RABGAP1: variants seen among roughly 807,000 people sequenced by gnomAD.
The protein encoded by RABGAP1 is RAB GTPase activating protein 1.
RABGAP1 carries 23 observed loss-of-function variants against 137.6 expected under a neutral mutation model. The ratio of observed to expected loss-of-function variants is 0.17; its 90% CI spans 0.12 to 0.24. The LOEUF is 0.24. Ranked by LOEUF, RABGAP1 falls within the 10% of genes least tolerant of loss-of-function variation. The pLI is 1.00. For synonymous variants in RABGAP1, 451 were observed against 450.7 expected (o/e 1.00, Z -0.01); for missense variants, 906 against 1,275.8 (o/e 0.71, Z 4.42).
the RABGAP1 span, among the ~76,000 whole-genome samples, chr9:122,933,440 A>AATTATTATTATTATT: frequency 0.014 from 2,015 of 146,038 alleles, 49 homozygotes; most frequent in African/African-American, 0.048. Context: ...TTTTTCATTA[A>AATTATTATTATTATT]ATTATTATTA....
At chr9:123,042,159 A>G (rs2032984377) in intron 13 of RABGAP1, among the ~76,000 whole-genome samples, 1 of 152,226 alleles carries the variant, frequency 6.6e-6, no homozygotes, top group Non-Finnish European at 1.5e-5. Context: ...CACTCTCAGA[A>G]TGTTCTAAGC....
intron 14 of RABGAP1, among the ~76,000 whole-genome samples, chr9:123,065,881 T>C (rs1288924279): frequency 1.3e-5 from 2 of 152,222 alleles, no homozygotes; most frequent in Non-Finnish European, 2.9e-5. Flanking sequence ...CACTGCAGCA[T>C]AGTAAATGAT....
At chr9:123,029,287 AAT>A in intron 13 of RABGAP1, 1 of 550,774 alleles carries the variant, frequency 1.8e-6, no homozygotes, top group Non-Finnish European at 3.3e-6. Flanking sequence ...GCACTAAAAT[AAT>A]ATGTTAATTA....
intron 13 of RABGAP1, among the ~76,000 whole-genome samples, chr9:123,058,235 G>A (rs1289157523): frequency 2.0e-5 from 3 of 152,052 alleles, no homozygotes; most frequent in Admixed American, 6.5e-5. Context: ...GTAAATTATG[G>A]TATAATAGTG....
intron 11 of RABGAP1, 31 bp downstream of exon 11, chr9:123,010,559 T>G (rs1398150722): frequency 5.0e-6 from 8 of 1,586,236 alleles, no homozygotes; most frequent in Middle Eastern, 3.3e-4. Flanking sequence ...AATTTATTTT[T>G]GGGGGTGGAA....
intron 1 of RABGAP1, among the ~76,000 whole-genome samples, chr9:122,952,903 A>G (rs1834325941): frequency 6.6e-6 from 1 of 152,250 alleles, no homozygotes; most frequent in African/African-American, 2.4e-5. Context: ...AATGGATAAT[A>G]ATCCTTATTC....
intron 13 of RABGAP1, among the ~76,000 whole-genome samples, chr9:123,046,569 A>G (rs2033217162): frequency 1.3e-5 from 2 of 152,168 alleles, no homozygotes; most frequent in South Asian, 2.1e-4. Context: ...TGTCTTAACT[A>G]ATGACACTGT....
chr9:123,061,242 C>T (rs968252787), intron 13 of RABGAP1, among the ~76,000 whole-genome samples: 3 of 152,094 alleles, frequency 2.0e-5, no homozygotes, highest in Non-Finnish European at 2.9e-5. Context: ...CTTCAGCCTC[C>T]CGAATAGCTA....
chr9:123,056,687 C>A (rs373804639), intron 13 of RABGAP1, among the ~76,000 whole-genome samples: 1 of 151,772 alleles, frequency 6.6e-6, no homozygotes, highest in Non-Finnish European at 1.5e-5. Flanking sequence ...TGACTCTTAA[C>A]GAGCATGCTG....
chr9:123,086,632 G>T (rs987771712), intron 19 of RABGAP1, among the ~76,000 whole-genome samples: 2 of 146,428 alleles, frequency 1.4e-5, no homozygotes, highest in African/African-American at 5.0e-5. Flanking sequence ...AGCATCAGCC[G>T]TGAACCCATG....
chr9:122,986,266 T>C lies in RABGAP1; in HGVS notation c.437T>C (p.Val146Ala). ...FTPVADEDSV[V>A]FSKLTYLGCA... ...CCAGTGGCCGATGAGGACAGCGTAG[T>C]TTTCAGTAAACTGACTTACTTAGGC... is the stretch of plus-strand genomic sequence containing the variant. The change falls in exon 4 of 26, where the codon GTT (valine) becomes GCT (alanine). Residue 146 changes from valine (V) to alanine (A), a missense_variant. Physicochemically the swap from Val to Ala is moderately conservative, Grantham distance 64 (BLOSUM62 0). This residue lies in a region of RABGAP1 where 331 missense variants were observed against 358.3 expected (regional missense o/e 0.92). Transcript: ENST00000373647. 6.2e-7 allele frequency: 1 copy of C among 1,614,190 alleles called. No individual in the cohort carries two copies. The highest frequency in any genetic ancestry group is 8.5e-7 in the Non-Finnish European group (1 of 1,180,014).
chr9:123,057,001 A>G (rs1184521367), intron 13 of RABGAP1, among the ~76,000 whole-genome samples: 1 of 152,140 alleles, frequency 6.6e-6, no homozygotes, highest in Non-Finnish European at 1.5e-5. Flanking sequence ...TACACCTCCC[A>G]GATGCGGTGG....
chr9:122,992,523 C>G (rs969949415), intron 6 of RABGAP1, among the ~76,000 whole-genome samples: 1 of 152,012 alleles, frequency 6.6e-6, no homozygotes, highest in African/African-American at 2.4e-5. Flanking sequence ...AGTGCTATTA[C>G]AGAAAATCCC....
chr9:123,015,705 T>A, intron 12 of RABGAP1, 69 bp downstream of exon 12: 1 of 1,098,898 alleles, frequency 9.1e-7, no homozygotes, highest in Non-Finnish European at 1.3e-6. Context: ...CTTACCTAAC[T>A]ATAATCAATT....
At chr9:123,002,991 CTT>C in intron 10 of RABGAP1, among the ~76,000 whole-genome samples, 1 of 152,102 alleles carries the variant, frequency 6.6e-6, no homozygotes, top group East Asian at 1.9e-4. Context: ...TTGGATAAGT[CTT>C]TGTGTTTGTG....
chr9:123,027,108 C>CTTTTTTTTTTTTTT (rs71388345), intron 13 of RABGAP1, among the ~76,000 whole-genome samples: 1 of 100,066 alleles, frequency 1.0e-5, no homozygotes, highest in African/African-American at 3.4e-5. Flanking sequence ...TCTTTCTTTT[C>CTTTTTTTTTTTTTT]TTTTTTTTTT....
At chr9:123,065,226 C>T (rs2034130209) in intron 13 of RABGAP1, 122 bp from the exon 14 acceptor site, 3 of 684,190 alleles carry the variant, frequency 4.4e-6, no homozygotes, top group Non-Finnish European at 7.7e-6. Flanking sequence ...TATGGGCATA[C>T]ATATGTGTAT....
chr9:123,059,583 C>CA (rs564713778), intron 13 of RABGAP1, among the ~76,000 whole-genome samples: 1 of 151,646 alleles, frequency 6.6e-6, no homozygotes, highest in Non-Finnish European at 1.5e-5. Flanking sequence ...AAAACAAAAA[C>CA]AAAAAAAACT....
At position 123,100,383 on chromosome 9, in the gene RABGAP1, ATGTGTGTGTGTGTGTGTGTG is replaced by A. The variant is rs56811028; in HGVS notation, c.2889+870_2889+889del. Among the ~76,000 whole-genome samples the A allele has an allele frequency of 3.6e-3, 498 of 136,566 alleles. 2 individuals are homozygous for A. The highest frequency in any genetic ancestry group is 0.011 in the African/African-American group (387 of 34,146). The allele number at this position is 136,566 out of a possible 152,430, so 89.6% of individuals were successfully genotyped here. ...TTCGTCATAATTAATGTTTAACCAG[ATGTGTGTGTGTGTGTGTGTG>A]TGTGTGTGTGTGTGTGTGTGTGTGT... On this transcript the variant is annotated intron_variant, in intron 24 of 25. Transcript: ENST00000373647.
Sources: allele counts gnomAD v4.1 joint callset (sites outside exome capture counted in the v4.1 genomes callset), GRCh38; gene constraint gnomAD v4.1.1; regional missense constraint gnomAD v4.1.1; transcripts MANE v1.5; gene names NCBI Gene and HGNC (gene_info 2026-07-23, HGNC 2026-07-21).